ADK: variants seen among roughly 807,000 people sequenced by gnomAD.
ADK encodes the protein adenosine kinase.
A neutral mutation model predicts 44.7 loss-of-function variants in ADK; 24 were observed. That is an observed-to-expected ratio of 0.54 (90% CI 0.39 to 0.76). The LOEUF (loss-of-function observed/expected upper bound fraction) is 0.76. Among genes scored for constraint, ADK ranks in the 30% least tolerant of loss-of-function variants. The pLI, the probability that ADK is intolerant of heterozygous loss-of-function variation, is 0.00. For synonymous variants in ADK, 128 were observed against 142.6 expected (o/e 0.90, Z 0.73); for missense variants, 321 against 425.1 (o/e 0.76, Z 2.15).
chr10:74,321,020 AT>A (rs914035467), intron 4 of ADK, among the ~76,000 whole-genome samples: 7 of 152,280 alleles, frequency 4.6e-5, no homozygotes, highest in Middle Eastern at 3.4e-3. Flanking sequence ...TATGTGACTC[AT>A]TGAATTTTTC....
chr10:74,158,911 G>A (rs1478266863), intron 1 of ADK, among the ~76,000 whole-genome samples: 1 of 152,200 alleles, frequency 6.6e-6, no homozygotes, highest in Non-Finnish European at 1.5e-5. Context: ...CTCTCCAGTA[G>A]TAACTGAAAA....
chr10:74,372,858 A>G (rs913559325), intron 4 of ADK, among the ~76,000 whole-genome samples: 2 of 152,216 alleles, frequency 1.3e-5, no homozygotes, highest in Non-Finnish European at 2.9e-5. Flanking sequence ...TAAAATTAAT[A>G]TGGAAATTCA....
At chr10:74,595,568 G>A (rs1027664992) in intron 8 of ADK, among the ~76,000 whole-genome samples, 61 of 150,464 alleles carry the variant, frequency 4.1e-4, no homozygotes, top group South Asian at 4.2e-4. Flanking sequence ...AGTAGAGACG[G>A]GGTTTCACTG....
intron 6 of ADK, among the ~76,000 whole-genome samples, chr10:74,521,636 G>T (rs1848840187): frequency 6.6e-6 from 1 of 152,100 alleles, no homozygotes; most frequent in Admixed American, 6.5e-5. Context: ...AGAAATAGAG[G>T]GGGAAAGCTT....
intron 3 of ADK, 49 bp downstream of exon 3, chr10:74,224,640 C>A (rs1040783088): frequency 7.0e-7 from 1 of 1,424,820 alleles, no homozygotes; most frequent in East Asian, 2.3e-5. Context: ...TGTCTATGAA[C>A]TTGATATATG....
intron 3 of ADK, among the ~76,000 whole-genome samples, chr10:74,253,659 T>A (rs1379680198): frequency 6.6e-6 from 1 of 152,146 alleles, no homozygotes; most frequent in Non-Finnish European, 1.5e-5. Flanking sequence ...ATCTTGGAAC[T>A]TGATTGTGGT....
intron 7 of ADK, among the ~76,000 whole-genome samples, chr10:74,558,207 T>C (rs1850332834): frequency 6.6e-6 from 1 of 152,240 alleles, no homozygotes; most frequent in Non-Finnish European, 1.5e-5. Flanking sequence ...TTCTTAAATT[T>C]ATTTATTAAA....
chr10:74,309,266 G>A (rs1487087176), intron 3 of ADK, among the ~76,000 whole-genome samples: 1 of 151,934 alleles, frequency 6.6e-6, no homozygotes, highest in Non-Finnish European at 1.5e-5. Flanking sequence ...ACTTACAATA[G>A]TTGCCTTTTA....
chr10:74,164,820 A>T (rs2132043432), intron 1 of ADK, among the ~76,000 whole-genome samples: 1 of 152,298 alleles, frequency 6.6e-6, no homozygotes, highest in African/African-American at 2.4e-5. Context: ...CTTTGACCTC[A>T]GTTCTCTGTG....
intron 6 of ADK, among the ~76,000 whole-genome samples, chr10:74,515,538 A>G (rs1213345668): frequency 6.6e-6 from 1 of 152,010 alleles, no homozygotes; most frequent in Non-Finnish European, 1.5e-5. Context: ...GCTGGCTTGG[A>G]GATATTCCCT....
At chr10:74,208,839 C>T (rs368353993) in intron 2 of ADK, among the ~76,000 whole-genome samples, 4 of 152,026 alleles carry the variant, frequency 2.6e-5, no homozygotes, top group African/African-American at 4.8e-5. Context: ...CAGGTTCAAG[C>T]GATCCTCTTG....
At chr10:74,588,528 G>A (rs1851606195) in intron 7 of ADK, among the ~76,000 whole-genome samples, 2 of 152,088 alleles carry the variant, frequency 1.3e-5, no homozygotes, top group Admixed American at 1.3e-4. Context: ...CTTATAGACT[G>A]CAAGTTACTG....
chr10:74,655,310 A>G (rs942453451), intron 9 of ADK: 2 of 448,510 alleles, frequency 4.5e-6, no homozygotes, highest in East Asian at 5.4e-5. Flanking sequence ...TGATGAAGAA[A>G]AAAGGAACTG....
intron 3 of ADK, among the ~76,000 whole-genome samples, chr10:74,270,487 TCCTGGTCTCA>T (rs1460038987): frequency 6.6e-6 from 1 of 152,188 alleles, no homozygotes; most frequent in Non-Finnish European, 1.5e-5. Context: ...GATCCAGAAC[TCCTGGTCTCA>T]AGCCATTGTT....
At chr10:74,388,105 C>A (rs973609554) in intron 4 of ADK, among the ~76,000 whole-genome samples, 4 of 152,036 alleles carry the variant, frequency 2.6e-5, no homozygotes, top group African/African-American at 9.7e-5. Flanking sequence ...TGGAGTTTTT[C>A]CATGTTGGTT....
At chr10:74,193,987 G>C (rs779114665) in intron 1 of ADK, among the ~76,000 whole-genome samples, 4 of 152,140 alleles carry the variant, frequency 2.6e-5, no homozygotes, top group Non-Finnish European at 5.9e-5. Flanking sequence ...TTTTAGAACT[G>C]AGCAGGAGGG....
chr10:74,609,101 G>A (rs1222926787), intron 9 of ADK, among the ~76,000 whole-genome samples: 4 of 152,164 alleles, frequency 2.6e-5, no homozygotes, highest in Non-Finnish European at 4.4e-5. Flanking sequence ...CCAAGCTTGA[G>A]CATCCCAGGT....
intron 1 of ADK, among the ~76,000 whole-genome samples, chr10:74,187,979 G>A (rs1019831727): frequency 8.5e-5 from 13 of 152,160 alleles, no homozygotes; most frequent in Admixed American, 2.6e-4. Context: ...CAGTGCAGCC[G>A]TGTGGGCCTG....
Position 74,506,849 on chromosome 10 carries a change from T to C in ADK, c.556-18407T>C, listed in dbSNP as rs140566630. On this transcript the variant is annotated intron_variant, in intron 6 of 10. Transcript: ENST00000539909. ...ACATATACTTTATGAGTTCATGACA[T>C]ACTTAACAATTTTTATCAATATTTC... 4.8e-3 allele frequency among the ~76,000 whole-genome samples: 735 copies of C among 152,328 alleles called. 7 individuals are homozygous for C. Among genetic ancestry groups the C allele is most frequent in the African/African-American group, 0.017 (700 of 41,572 alleles).
Sources: allele counts gnomAD v4.1 joint callset (sites outside exome capture counted in the v4.1 genomes callset), GRCh38; gene constraint gnomAD v4.1.1; transcripts MANE v1.5; gene names NCBI Gene and HGNC (gene_info 2026-07-23, HGNC 2026-07-21).